The following CIB1 variants were observed in gnomAD, a reference collection of about 807,000 sequenced individuals.
The protein encoded by CIB1 is calcium and integrin binding 1, also known as calcium and integrin-binding protein 1.
Under a neutral mutation model 25.0 loss-of-function variants are expected in CIB1, and 19 were observed. The observed-to-expected ratio is 0.76, with a 90% confidence interval of 0.53 to 1.12. CIB1 has a LOEUF of 1.12. Among genes scored for constraint, CIB1 ranks in the 50% most tolerant of loss-of-function variants. The probability of loss-of-function intolerance (pLI) is 0.00; values close to 1 mark genes in which losing one functional copy is unlikely to be tolerated. For missense variants in CIB1, 236 were observed against 242.6 expected (o/e 0.97, Z 0.18); for synonymous variants, 104 against 98.5 (o/e 1.06, Z -0.33).
the CIB1 span, chr15:90,261,916 A>G: frequency 9.2e-7 from 1 of 1,090,398 alleles, no homozygotes; most frequent in Non-Finnish European, 1.2e-6. Context: ...AGAAGCCAGC[A>G]GGAGGGTCTC....
chr15:90,261,981 G>T, the CIB1 span: 1 of 1,516,298 alleles, frequency 6.6e-7, no homozygotes, highest in South Asian at 1.2e-5. Flanking sequence ...CCCTACTCTT[G>T]ACTCACTGAG....
chr15:90,246,002 G>A, the CIB1 span, among the ~76,000 whole-genome samples: 1 of 152,046 alleles, frequency 6.6e-6, no homozygotes, highest in Admixed American at 6.6e-5. Context: ...GGCCGGGCAC[G>A]GTGGCACACT....
the CIB1 span, chr15:90,241,390 C>T: frequency 6.2e-7 from 1 of 1,613,992 alleles, no homozygotes; most frequent in East Asian, 2.2e-5. Context: ...AACGTCAGCC[C>T]CCTGGAGTGG....
chr15:90,264,386 GC>G, the CIB1 span, among the ~76,000 whole-genome samples: 1 of 152,074 alleles, frequency 6.6e-6, no homozygotes, highest in Non-Finnish European at 1.5e-5. Flanking sequence ...TTGCCACGTA[GC>G]CCAGGCTGGT....
the CIB1 span, chr15:90,258,134 C>T: frequency 1.2e-6 from 2 of 1,614,252 alleles, no homozygotes; most frequent in East Asian, 4.5e-5. Context: ...AAACCATCAT[C>T]TCAGCCCATT....
chr15:90,257,267 AG>A, the CIB1 span: 2 of 1,612,264 alleles, frequency 1.2e-6, no homozygotes, highest in South Asian at 2.2e-5. Flanking sequence ...TATGGAGCCC[AG>A]CCATAACAAC....
the CIB1 span, chr15:90,261,924 C>T: frequency 1.7e-6 from 2 of 1,193,166 alleles, no homozygotes; most frequent in Non-Finnish European, 2.2e-6. Flanking sequence ...GCAGGAGGGT[C>T]TCCAAACCTT....
At chr15:90,258,788 G>A in the CIB1 span, 1 of 1,614,184 alleles carries the variant, frequency 6.2e-7, no homozygotes, top group Non-Finnish European at 8.5e-7. Flanking sequence ...CCTTGATCAA[G>A]AAGTAAAGGA....
the CIB1 span, chr15:90,264,658 A>C: frequency 6.6e-7 from 1 of 1,507,970 alleles, no homozygotes; most frequent in African/African-American, 1.4e-5. Context: ...CACAGTTGGG[A>C]AAGAGGTGAA....
upstream of CIB1, chr15:90,234,236 C>G (rs1170022539): frequency 4.0e-6 from 1 of 247,188 alleles, no homozygotes; most frequent in Non-Finnish European, 7.7e-6. Flanking sequence ...CATGACCTCG[C>G]TGTGGCCCCG....
At chr15:90,258,914 C>T in the CIB1 span, 12 of 1,614,146 alleles carry the variant, frequency 7.4e-6, no homozygotes, top group Non-Finnish European at 1.0e-5. Context: ...CTACCGACAG[C>T]CACGAGAATC....
the CIB1 span, chr15:90,241,521 T>C: frequency 1.9e-6 from 3 of 1,613,678 alleles, no homozygotes; most frequent in Middle Eastern, 4.9e-4. Flanking sequence ...CCGTGTCGGC[T>C]TCAACAGCCT....
At chr15:90,263,172 A>T in the CIB1 span, 1 of 1,501,880 alleles carries the variant, frequency 6.7e-7, no homozygotes, top group Non-Finnish European at 8.8e-7. Flanking sequence ...AGTCTCCCAG[A>T]GGAAAAGGGA....
chr15:90,264,527 C>G, the CIB1 span, among the ~76,000 whole-genome samples: 1 of 152,082 alleles, frequency 6.6e-6, no homozygotes, highest in Non-Finnish European at 1.5e-5. Context: ...AAATACAGTC[C>G]CAGCACTCAA....
chr15:90,260,479 A>G, the CIB1 span, among the ~76,000 whole-genome samples: 4 of 152,230 alleles, frequency 2.6e-5, no homozygotes, highest in African/African-American at 9.6e-5. Context: ...CCTGGACGAT[A>G]GAGTGAGACC....
the CIB1 span, chr15:90,264,824 G>C: frequency 6.5e-7 from 1 of 1,536,138 alleles, no homozygotes; most frequent in African/African-American, 1.4e-5. Context: ...ACCGGAAAGA[G>C]TGGCATCTGA....
the CIB1 span, chr15:90,253,319 A>G: frequency 1.9e-6 from 3 of 1,613,358 alleles, no homozygotes; most frequent in African/African-American, 2.7e-5. Flanking sequence ...TGTACTGGAC[A>G]GACTGCGCTG....
the CIB1 span, chr15:90,240,992 C>G: frequency 6.2e-7 from 1 of 1,614,060 alleles, no homozygotes; most frequent in South Asian, 1.1e-5. Context: ...CCATTCCTGA[C>G]TTTGTTTATG....
the CIB1 span, chr15:90,256,108 GA>G: frequency 6.2e-7 from 1 of 1,609,066 alleles, no homozygotes; most frequent in Non-Finnish European, 8.5e-7. Context: ...TTGATGCACA[GA>G]AACCTTTTGA....
Sources: allele counts gnomAD v4.1 joint callset (sites outside exome capture counted in the v4.1 genomes callset), GRCh38; gene constraint gnomAD v4.1.1; transcripts MANE v1.5; gene names NCBI Gene and HGNC (gene_info 2026-07-23, HGNC 2026-07-21).